Variants in COQ9 observed in about 807,000 individuals in gnomAD.
COQ9 encodes the protein ubiquinone biosynthesis protein COQ9, mitochondrial.
In COQ9, 35 loss-of-function variants were observed where a neutral mutation model predicts 42.4. The observed-to-expected ratio is 0.83, with a 90% CI of 0.63 to 1.10. COQ9 has a LOEUF of 1.10. COQ9 is among the 50% of genes least tolerant of loss of function. COQ9 has a pLI of 0.00. For synonymous variants in COQ9, 155 were observed against 155.1 expected (o/e 1.00, Z 0.00); for missense variants, 406 against 414.6 (o/e 0.98, Z 0.18).
At chr16:57,452,216 G>GAAC (rs1220520361) in intron 2 of COQ9, among the ~76,000 whole-genome samples, 5 of 152,228 alleles carry the variant, frequency 3.3e-5, no homozygotes, top group Admixed American at 2.0e-4. Context: ...TGAGCACAGT[G>GAAC]TGCTAAGGGC....
chr16:57,457,476 A>C, intron 5 of COQ9: 1 of 310,038 alleles, frequency 3.2e-6, no homozygotes, highest in South Asian at 2.9e-5. Flanking sequence ...ACCTTTTCTG[A>C]AGCTTCCTTT....
At position 57,451,207 on chromosome 16, in the gene COQ9, A is replaced by G. The variant is rs1006786967; in HGVS notation, c.241A>G (p.Arg81Gly). Reference sequence around the variant, plus strand: ...TCCAGAGTCTTCTCATTCACCCCCCAGGTAGGCACCAATCCACCTATTTCT... The same window carrying G: ...TCCAGAGTCTTCTCATTCACCCCCCGGGTAGGCACCAATCCACCTATTTCT... ...PDPESSHSPP[R>G]YTDQGGEEEE... The change falls in exon 2 of 9, where the codon AGG becomes GGG. Residue 81 changes from arginine (R) to glycine (G), a missense_variant and splice_region_variant. Physicochemically the swap from Arg to Gly is moderately radical, Grantham distance 125. Coordinates refer to ENST00000262507, the MANE Select transcript of COQ9 (RefSeq NM_020312.4). 4 of 1,614,102 alleles carry G rather than the reference A, an allele frequency of 2.5e-6. No homozygotes were observed. The highest frequency in any genetic ancestry group is 2.7e-5 in the African/African-American group (2 of 74,940).
intron 3 of COQ9, 22 bp downstream of exon 3, chr16:57,452,958 G>A (rs879069273): frequency 1.9e-6 from 3 of 1,612,872 alleles, no homozygotes; most frequent in Non-Finnish European, 2.5e-6. Context: ...TGAGGGTGGG[G>A]CCACCTAACC....
At position 57,460,626 on chromosome 16, in the gene COQ9, A is replaced by G; in HGVS notation, c.*2A>G. The G allele has an allele frequency of 6.2e-7, 1 of 1,613,490 alleles. No individual in the cohort carries two copies. ...ACAGGTCTAAACCAGCGTCGGTGAG[A>G]GGAAGGGGTATAAGCTACAATGCCT... On this transcript the variant is annotated 3_prime_UTR_variant, in exon 9 of 9. Coordinates refer to ENST00000262507, the MANE Select transcript of COQ9 (RefSeq NM_020312.4).
In COQ9 at chr16:57,460,988, G is replaced by A. The variant is rs1395908525; in HGVS notation, c.*364G>A. ...GTCTTAACCTTCCCTTAACCTTGGG[G>A]CTCCCAAGCCAGAGTCAAGGTCTGA... On this transcript the variant is annotated 3_prime_UTR_variant, in exon 9 of 9. Coordinates refer to ENST00000262507, the MANE Select transcript of COQ9 (RefSeq NM_020312.4). 5 of 361,490 alleles carry A rather than the reference G, an allele frequency of 1.4e-5. No homozygotes were observed. Among genetic ancestry groups the A allele is most frequent in the Non-Finnish European group, 2.7e-5 (5 of 184,640 alleles). 22.4% of individuals were successfully genotyped at this position (361,490 alleles called of 1,614,324 possible). A position where few individuals can be genotyped will look rare whatever the true frequency, so the allele number is the denominator to read the frequency against.
At chr16:57,457,525 TC>T (rs2030433386) in intron 5 of COQ9, 1 of 256,936 alleles carries the variant, frequency 3.9e-6, no homozygotes, top group African/African-American at 2.2e-5. Flanking sequence ...TGGGCCATTC[TC>T]TGAGTGAAGA....
At chr16:57,447,624 G>A in intron 1 of COQ9, 46 bp downstream of exon 1, 4 of 1,231,694 alleles carry the variant, frequency 3.2e-6, no homozygotes, top group Non-Finnish European at 4.1e-6. Context: ...CGCGGAGGGG[G>A]CGCGAGGCCG....
At position 57,460,833 on chromosome 16, in the gene COQ9, T is replaced by TA; in HGVS notation, c.*210dup. On this transcript the variant is annotated 3_prime_UTR_variant, in exon 9 of 9. Transcript: ENST00000262507. The stretch of plus-strand genomic sequence containing the variant: ...ATTGGGCTGCTTCTTCAGTTCCTAA[T>TA]ACCAGACCAAGCCTCCTGATGCCTT... The TA allele has an allele frequency of 1.7e-6, 1 of 582,542 alleles. No homozygotes were observed. The highest frequency in any genetic ancestry group is 3.1e-6 in the Non-Finnish European group (1 of 321,184). 36.1% of individuals were successfully genotyped at this position (582,542 alleles called of 1,614,324 possible). A position where few individuals can be genotyped will look rare whatever the true frequency, so the allele number is the denominator to read the frequency against.
chr16:57,451,744 TCTTTTCATAG>T (rs1489467721), intron 2 of COQ9, among the ~76,000 whole-genome samples: 1 of 152,248 alleles, frequency 6.6e-6, no homozygotes, highest in Admixed American at 6.5e-5. Flanking sequence ...ATTTGTAATG[TCTTTTCATAG>T]CTTAATAGTT....
intron 4 of COQ9, 27 bp downstream of exon 4, chr16:57,456,673 G>C: frequency 5.0e-6 from 8 of 1,609,218 alleles, no homozygotes; most frequent in Non-Finnish European, 6.8e-6. Context: ...TACTACTCAG[G>C]GTGGCAGCTA....
At chr16:57,451,405 T>C (rs2030285899) in intron 2 of COQ9, among the ~76,000 whole-genome samples, 197 bp downstream of exon 2, 1 of 152,204 alleles carries the variant, frequency 6.6e-6, no homozygotes, top group Non-Finnish European at 1.5e-5. Flanking sequence ...CTCCTAGATT[T>C]CAAGCTGTCC....
At position 57,447,509 on chromosome 16, in the gene COQ9, G is replaced by A. The variant is rs771829656; in HGVS notation, c.4G>A (p.Ala2Thr). Residue 2 changes from alanine to threonine, a missense_variant, in exon 1 of 9, where the codon GCG becomes ACG. Physicochemically the swap from Ala to Thr is moderately conservative, Grantham distance 58 (BLOSUM62 0). Transcript: ENST00000262507. M[A>T]AAAVSGALGR... is the part of the protein sequence containing the mutation. ...GGGCGACGTGCCCGCTTCCAAAATG[G>A]CGGCGGCGGCGGTATCTGGTGCGCT... 3 of 1,302,402 alleles carry A rather than the reference G, an allele frequency of 2.3e-6. No homozygotes were observed. The highest frequency in any genetic ancestry group is 2.9e-6 in the Non-Finnish European group (3 of 1,018,586). The allele number at this position is 1,302,402 out of a possible 1,614,324, so 80.7% of individuals were successfully genotyped here.
intron 2 of COQ9, among the ~76,000 whole-genome samples, chr16:57,452,303 A>G (rs1192755795): frequency 6.6e-6 from 1 of 152,126 alleles, no homozygotes; most frequent in Non-Finnish European, 1.5e-5. Context: ...CTCCGTGCCT[A>G]TGGGGAGGGG....
rs1487143602 is a variant in COQ9 at position 57,449,256 on chromosome 16, AT to A, written c.73+1686del. Among the ~76,000 whole-genome samples the A allele has an allele frequency of 2.0e-5, 3 of 152,020 alleles. No individual in the cohort carries two copies. The East Asian group carries it at 5.8e-4, about 29-fold the overall frequency. On this transcript the variant is annotated intron_variant, in intron 1 of 8. Transcript: ENST00000262507. ...AGTGTTAGCCTGAACAAACAGTAAA[AT>A]TTTTTTTGACAGCCTTGAGTTTTCT...
chr16:57,457,475 GA>G (rs2030432317), intron 5 of COQ9: 7 of 311,880 alleles, frequency 2.2e-5, no homozygotes, highest in South Asian at 2.0e-4. Flanking sequence ...CACCTTTTCT[GA>G]AGCTTCCTTT....
chr16:57,451,357 T>C, intron 2 of COQ9, 149 bp downstream of exon 2: 3 of 878,070 alleles, frequency 3.4e-6, no homozygotes, highest in Non-Finnish European at 5.5e-6. Context: ...TTTTTTGTAG[T>C]GATGGCTTCT....
intron 1 of COQ9, among the ~76,000 whole-genome samples, chr16:57,448,696 A>G (rs1426454819): frequency 6.6e-6 from 1 of 152,120 alleles, no homozygotes. Flanking sequence ...TACAGGTATG[A>G]GCCACCGCCT....
rs78846023 is a variant in COQ9, at chr16:57,458,264, C to G, written c.625C>G (p.Leu209Val). Residue 209 changes from leucine to valine, a missense_variant, in exon 6 of 9, where the codon CTC (leucine) becomes GTC (valine). Transcript: ENST00000262507. ...TCTCCAGGCCCTCAGCATCCTCATGCTCCCTCACAACATCCCGTCCAGCCT... is the reference window on the plus strand; with the variant it reads ...TCTCCAGGCCCTCAGCATCCTCATGGTCCCTCACAACATCCCGTCCAGCCT... The part of the protein sequence containing the change: ...HWPRALSILM[L>V]PHNIPSSLSL... 1,025 of 1,611,516 alleles carry G rather than the reference C, an allele frequency of 6.4e-4. 6 individuals are homozygous for G. The African/African-American group carries it at 6.6e-3, about 10-fold the overall frequency.
rs762690846 is a variant in COQ9 at position 57,456,520 on chromosome 16, G to A, written c.395G>A (p.Ser132Asn). 8.7e-6 allele frequency: 14 copies of A among 1,614,072 alleles called. 1 individual carries two copies. In the South Asian group the frequency reaches 1.5e-4, roughly 18 times the overall value. Residue 132 changes from serine to asparagine, a missense_variant, in exon 4 of 9, where the codon AGT becomes AAT. Physicochemically the swap from Ser to Asn is conservative, Grantham distance 46. Coordinates refer to ENST00000262507, the MANE Select transcript of COQ9 (RefSeq NM_020312.4). ...CTTTTGTAGTCTCTGGGTCTCTCCA[G>A]TGCAGCAGCCAGCATGTTCGGGAAG... ...AEGAQSLGLS[S>N]AAASMFGKDG...
Sources: gnomAD v4.1 joint callset for allele counts (sites outside exome capture counted in the v4.1 genomes callset) on GRCh38, gnomAD v4.1.1 for gene constraint, MANE v1.5 for transcripts, NCBI Gene and HGNC (gene_info 2026-07-23, HGNC 2026-07-21) for gene names.